The following FOXK1 variants were observed in gnomAD, a reference collection of about 807,000 sequenced individuals.
FOXK1 encodes forkhead box K1.
Under a neutral mutation model 51.9 loss-of-function variants are expected in FOXK1, and 19 were observed. That is an observed-to-expected ratio of 0.37 (90% CI 0.26 to 0.54). FOXK1 has a LOEUF of 0.54. Ranked by LOEUF, FOXK1 falls within the 20% of genes least tolerant of loss-of-function variation. The probability of loss-of-function intolerance (pLI) is 0.87; values close to 1 mark genes in which losing one functional copy is unlikely to be tolerated. For missense variants in FOXK1, 870 were observed against 1,032.7 expected (o/e 0.84, Z 2.16); for synonymous variants, 537 against 482.6 (o/e 1.11, Z -1.48).
Position 4,753,353 on chromosome 7 carries a change from C to T in FOXK1, c.747-1106C>T, listed in dbSNP as rs557310929. On this transcript the variant is annotated intron_variant, in intron 2 of 8. Coordinates refer to ENST00000328914, the MANE Select transcript of FOXK1 (RefSeq NM_001037165.2). The surrounding 1 kb of genome is among the most constrained non-coding windows in gnomAD (Gnocchi z 4.9). ...CCTGGACAGTTAGGGAAGGATGTTC[C>T]TGGCAGAGGAAAGGGCAGCAAGGCG... 6.6e-6 allele frequency among the ~76,000 whole-genome samples: 1 copy of T among 152,198 alleles called. No homozygotes were observed. Among genetic ancestry groups the T allele is most frequent in the African/African-American group, 2.4e-5 (1 of 41,538 alleles).
intron 1 of FOXK1, among the ~76,000 whole-genome samples, chr7:4,716,290 A>C (rs931032798): frequency 1.3e-5 from 2 of 151,998 alleles, no homozygotes; most frequent in Non-Finnish European, 2.9e-5. Flanking sequence ...ACTTGAAGCC[A>C]GGAGTTCAAG....
At chr7:4,706,388 C>G (rs1226481895) in intron 1 of FOXK1, among the ~76,000 whole-genome samples, 1 of 152,204 alleles carries the variant, frequency 6.6e-6, no homozygotes, top group East Asian at 1.9e-4. Context: ...ATCTGTGACA[C>G]TCCTTCCCTC....
In FOXK1 at chr7:4,715,484, C is replaced by T. The variant is rs1206964753; in HGVS notation, c.561-25354C>T. ...TGGCTGGAACTCGGGCCCCGCTGGC[C>T]GGCGGTAGGAGCTGGAATGCCCGAG... On this transcript the variant is annotated intron_variant, in intron 1 of 8. Coordinates refer to ENST00000328914, the MANE Select transcript of FOXK1 (RefSeq NM_001037165.2). The surrounding 1 kb of genome is among the most constrained non-coding windows in gnomAD (Gnocchi z 4.5). 1.3e-5 allele frequency among the ~76,000 whole-genome samples: 2 copies of T among 152,122 alleles called. No homozygotes were observed. The highest frequency in any genetic ancestry group is 2.4e-5 in the African/African-American group (1 of 41,436).
In FOXK1 at chr7:4,734,236, C is replaced by T. The variant is rs1020717226; in HGVS notation, c.561-6602C>T. 1.3e-5 allele frequency among the ~76,000 whole-genome samples: 2 copies of T among 152,234 alleles called. No homozygotes were observed. Among genetic ancestry groups the T allele is most frequent in the East Asian group, 3.8e-4 (2 of 5,196 alleles). ...ACTCTATCTCAAGCCGTAGGCCTCC[C>T]AGACAGAGCCTCTGAAGCTCCTGTT... On this transcript the variant is annotated intron_variant, in intron 1 of 8. Transcript: ENST00000328914. This position sits in a 1 kb window ranked among gnomAD's most constrained non-coding sequence, Gnocchi z 5.2.
chr7:4,757,298 G>A, intron 5 of FOXK1, 111 bp downstream of exon 5: 1 of 959,298 alleles, frequency 1.0e-6, no homozygotes. Flanking sequence ...CAGGCTCAGT[G>A]TACGGGCATG....
intron 1 of FOXK1, among the ~76,000 whole-genome samples, chr7:4,692,480 C>T (rs1038388334): frequency 7.9e-5 from 12 of 152,190 alleles, no homozygotes; most frequent in Non-Finnish European, 1.2e-4. Flanking sequence ...ACTGCAACAT[C>T]CGCCTCCTGG....
intron 1 of FOXK1, among the ~76,000 whole-genome samples, chr7:4,688,940 G>A (rs1303432215): frequency 6.6e-6 from 1 of 151,572 alleles, no homozygotes; most frequent in Admixed American, 6.6e-5. Flanking sequence ...AGCTTTTGGT[G>A]GTCATTGCCT....
chr7:4,700,073 C>T lies in FOXK1; in HGVS notation c.560+17205C>T, dbSNP rs186238120. Among the ~76,000 whole-genome samples the T allele has an allele frequency of 1.6e-4, 25 of 152,264 alleles. 1 individual carries two copies. In the East Asian group the frequency reaches 4.2e-3, roughly 26 times the overall value. The stretch of plus-strand genomic sequence containing the variant: ...GCTCTGCCTGCCTGAGAGCCATTTC[C>T]GTCAGGAGGCCTTCCCCGGTGCCTG... On this transcript the variant is annotated intron_variant, in intron 1 of 8. Coordinates refer to ENST00000328914, the MANE Select transcript of FOXK1 (RefSeq NM_001037165.2).
At chr7:4,689,446 A>G (rs1014497150) in intron 1 of FOXK1, among the ~76,000 whole-genome samples, 5 of 152,208 alleles carry the variant, frequency 3.3e-5, no homozygotes, top group African/African-American at 9.7e-5. Flanking sequence ...ATTTTACTAC[A>G]TAAACGTTTT....
intron 2 of FOXK1, among the ~76,000 whole-genome samples, chr7:4,750,714 T>A (rs1016948590): frequency 6.6e-6 from 1 of 151,860 alleles, no homozygotes; most frequent in Non-Finnish European, 1.5e-5. Flanking sequence ...TCCCATCTTT[T>A]TTTTTTTGAG....
chr7:4,702,777 C>T (rs971520154), intron 1 of FOXK1, among the ~76,000 whole-genome samples: 3 of 152,250 alleles, frequency 2.0e-5, no homozygotes, highest in Non-Finnish European at 2.9e-5. Flanking sequence ...ATCAGACATG[C>T]GTAACCCTAG....
intron 1 of FOXK1, among the ~76,000 whole-genome samples, chr7:4,691,679 C>T (rs1022114090): frequency 1.3e-5 from 2 of 152,138 alleles, no homozygotes; most frequent in South Asian, 4.1e-4. Context: ...CTCGTCTGCC[C>T]TCAGTACTGC....
At position 4,764,327 on chromosome 7, in the gene FOXK1, T is replaced by G. The variant is rs928249068; in HGVS notation, c.*1863T>G. 1.3e-5 allele frequency: 2 copies of G among 154,348 alleles called. No homozygotes were observed. Among genetic ancestry groups the G allele is most frequent in the African/African-American group, 4.8e-5 (2 of 41,486 alleles). 9.6% of individuals were successfully genotyped at this position (154,348 alleles called of 1,614,324 possible). ...TTCTAAGCCCCCCGAATTGAGTCGT[T>G]TCTATGGCACTAACCTTTCCATGGG... is the stretch of plus-strand genomic sequence containing the variant. On this transcript the variant is annotated 3_prime_UTR_variant, in exon 9 of 9. Coordinates refer to ENST00000328914, the MANE Select transcript of FOXK1 (RefSeq NM_001037165.2).
intron 1 of FOXK1, among the ~76,000 whole-genome samples, chr7:4,694,470 G>C (rs1229580581): frequency 6.6e-6 from 1 of 152,110 alleles, no homozygotes; most frequent in African/African-American, 2.4e-5. Context: ...TTCTGAAAAA[G>C]CTTTGCTTCT....
Position 4,758,897 on chromosome 7 carries a change from T to C in FOXK1, c.1245-154T>C. ...GGAGTTTTAAAGGCTGGGTTCAGGT[T>C]ACGGGGGCGTTTCTCACCGTCTGAA... On this transcript the variant is annotated intron_variant, in intron 5 of 8. Transcript: ENST00000328914. This position sits in a 1 kb window ranked among gnomAD's most constrained non-coding sequence, Gnocchi z 4.4. 3 of 756,218 alleles carry C rather than the reference T, an allele frequency of 4.0e-6. No individual in the cohort carries two copies. In the South Asian group the frequency reaches 5.5e-5, roughly 14 times the overall value. 46.8% of individuals were successfully genotyped at this position (756,218 alleles called of 1,614,324 possible). A position where few individuals can be genotyped will look rare whatever the true frequency, so the allele number is the denominator to read the frequency against.
intron 1 of FOXK1, among the ~76,000 whole-genome samples, chr7:4,693,170 G>A (rs1779915232): frequency 6.6e-6 from 1 of 152,132 alleles, no homozygotes; most frequent in Non-Finnish European, 1.5e-5. Flanking sequence ...TATTGATTGA[G>A]TTATGCAGAT....
At position 4,703,837 on chromosome 7, in the gene FOXK1, T is replaced by C. The variant is rs1780049776; in HGVS notation, c.560+20969T>C. Among the ~76,000 whole-genome samples, 1 of 152,002 alleles carries C rather than the reference T, an allele frequency of 6.6e-6. No individual in the cohort carries two copies. Among genetic ancestry groups the C allele is most frequent in the Non-Finnish European group, 1.5e-5 (1 of 68,010 alleles). On this transcript the variant is annotated intron_variant, in intron 1 of 8. Coordinates refer to ENST00000328914, the MANE Select transcript of FOXK1 (RefSeq NM_001037165.2). This position sits in a 1 kb window ranked among gnomAD's most constrained non-coding sequence, Gnocchi z 5.6. ...TTTAGAGAGACTCCCCTAACCATGATTTAATCTGGGGAAGGGAGAAAAGTA... is the reference window on the plus strand; with the variant it reads ...TTTAGAGAGACTCCCCTAACCATGACTTAATCTGGGGAAGGGAGAAAAGTA...
chr7:4,703,426 G>T lies in FOXK1; in HGVS notation c.560+20558G>T, dbSNP rs141545275. 6.6e-6 allele frequency among the ~76,000 whole-genome samples: 1 copy of T among 152,202 alleles called. No homozygotes were observed. The highest frequency in any genetic ancestry group is 1.5e-5 in the Non-Finnish European group (1 of 68,032). ...GCCCCAAGACATGCGGAGAACCCGC[G>T]TCTGCAGGGCTGGTGGCGTCCAGCA... is the stretch of plus-strand genomic sequence containing the variant. On this transcript the variant is annotated intron_variant, in intron 1 of 8. Coordinates refer to ENST00000328914, the MANE Select transcript of FOXK1 (RefSeq NM_001037165.2). The surrounding 1 kb of genome is among the most constrained non-coding windows in gnomAD (Gnocchi z 5.6).
chr7:4,769,344 C>T lies in FOXK1; in HGVS notation c.*6880C>T, dbSNP rs1349167352. On this transcript the variant is annotated 3_prime_UTR_variant, in exon 9 of 9. Transcript: ENST00000328914. The surrounding 1 kb of genome is among the most constrained non-coding windows in gnomAD (Gnocchi z 4.1). Reference sequence around the variant, plus strand: ...CCCCGCCCCCATCCCGCTTCAGGCCCCAGTGACCCAGTTGCGTCTTAAGTT... The same window carrying T: ...CCCCGCCCCCATCCCGCTTCAGGCCTCAGTGACCCAGTTGCGTCTTAAGTT... 6.6e-6 allele frequency: 1 copy of T among 152,234 alleles called. No individual in the cohort carries two copies. The highest frequency in any genetic ancestry group is 1.9e-4 in the East Asian group (1 of 5,200). The allele number at this position is 152,234 out of a possible 1,614,324, so 9.4% of individuals were successfully genotyped here. A position where few individuals can be genotyped will look rare whatever the true frequency, so the allele number is the denominator to read the frequency against.
Sources: allele counts gnomAD v4.1 joint callset (sites outside exome capture counted in the v4.1 genomes callset), GRCh38; gene constraint gnomAD v4.1.1; non-coding constraint Gnocchi (gnomAD v3.1); transcripts MANE v1.5; gene names NCBI Gene and HGNC (gene_info 2026-07-23, HGNC 2026-07-21).